Variants in TSC1 observed in about 807,000 individuals in gnomAD.
TSC1 encodes the protein TSC complex subunit 1, also known as hamartin.
In TSC1, 20 loss-of-function variants were observed where a neutral mutation model predicts 124.3. The ratio of observed to expected loss-of-function variants is 0.16; its 90% confidence interval spans 0.11 to 0.23. The LOEUF is 0.23. TSC1 is among the 10% of genes least tolerant of loss of function. The pLI, the probability that TSC1 is intolerant of heterozygous loss-of-function variation, is 1.00. For missense variants in TSC1, 1,124 were observed against 1,448.5 expected (o/e 0.78, Z 3.64); for synonymous variants, 493 against 539.1 (o/e 0.91, Z 1.19).
intron 4 of TSC1, chr9:132,925,979 G>A (rs1846839012): frequency 1.7e-5 from 9 of 535,360 alleles, no homozygotes; most frequent in South Asian, 1.2e-4. Flanking sequence ...TACAATACAC[G>A]CATGCAGAAA....
At chr9:132,914,703 C>CAAA (rs11334240) in intron 8 of TSC1, among the ~76,000 whole-genome samples, 19 of 114,270 alleles carry the variant, frequency 1.7e-4, no homozygotes, top group Middle Eastern at 4.5e-3. Flanking sequence ...AAAAAAAATA[C>CAAA]AAAAAAAAAA....
chr9:132,913,441 G>A (rs983005659), intron 8 of TSC1, among the ~76,000 whole-genome samples: 18 of 152,028 alleles, frequency 1.2e-4, no homozygotes, highest in African/African-American at 4.4e-4. Flanking sequence ...TTTTTCAGGG[G>A]GTGTAATAAT....
At chr9:132,900,387 A>C in intron 20 of TSC1, 1 of 386,250 alleles carries the variant, frequency 2.6e-6, no homozygotes, top group Non-Finnish European at 5.0e-6. Context: ...GAGGTATGTT[A>C]AACAGAATTG....
At position 132,896,255 on chromosome 9, in the gene TSC1, T is replaced by A. The variant is rs1216169846; in HGVS notation, c.3475A>T (p.Thr1159Ser). The change falls in exon 23 of 23, where the codon ACT (threonine) becomes TCT (serine). Residue 1159 changes from threonine (T) to serine (S), a missense_variant. Physicochemically the swap from Thr to Ser is moderately conservative, Grantham distance 58 (BLOSUM62 1). Transcript: ENST00000298552. This position sits in a 1 kb window ranked among gnomAD's most constrained non-coding sequence, Gnocchi z 4.5. The stretch of plus-strand genomic sequence containing the variant: ...ATTCCTTAGCTGTGTTCATGATGAG[T>A]CTCATTGTAGTCCATGATATGTAGC... ...GQLHIMDYNE[T>S]HHEHS is the part of the protein sequence containing the mutation. 1.2e-6 allele frequency: 2 copies of A among 1,614,062 alleles called. No individual in the cohort carries two copies. The highest frequency in any genetic ancestry group is 2.7e-5 in the African/African-American group (2 of 74,920).
chr9:132,917,581 G>A (rs1244214723), intron 8 of TSC1, among the ~76,000 whole-genome samples: 4 of 152,052 alleles, frequency 2.6e-5, no homozygotes, highest in African/African-American at 4.8e-5. Flanking sequence ...ATCCTCCCCC[G>A]TCCGCCTCCC....
At chr9:132,944,409 C>G (rs375418118) in intron 1 of TSC1, 134 bp downstream of exon 1, 1 of 394,902 alleles carries the variant, frequency 2.5e-6, no homozygotes, top group Non-Finnish European at 4.5e-6. Flanking sequence ...TCCGAACCCC[C>G]CTTCCCCGGG....
At position 132,894,424 on chromosome 9, in the gene TSC1, A is replaced by G. The variant is rs1211197882; in HGVS notation, c.*1811T>C. On this transcript the variant is annotated 3_prime_UTR_variant, in exon 23 of 23. Transcript: ENST00000298552. ...TTTCCTTTTCTAAAACGGAACCAGGAAACTAGACTGTATTGGGTTTTAAGC... is the reference window on the plus strand; with the variant it reads ...TTTCCTTTTCTAAAACGGAACCAGGGAACTAGACTGTATTGGGTTTTAAGC... The G allele has an allele frequency of 4.4e-6, 1 of 229,366 alleles. No homozygotes were observed. Among genetic ancestry groups the G allele is most frequent in the African/African-American group, 2.2e-5 (1 of 45,142 alleles). The allele number at this position is 229,366 out of a possible 1,614,324, so 14.2% of individuals were successfully genotyped here.
rs746535706 is a variant in TSC1 at position 132,903,655 on chromosome 9, G to T, written c.2204C>A (p.Ala735Asp). ...TGTCCCCTCCCCAGTCCTCACCATG[G>T]CAGCATTATGTTCCTCCAGAGCTGC... is the stretch of plus-strand genomic sequence containing the variant. ...KAAALEEHNA[A>D]MKDQLKLQEK... Residue 735 changes from alanine to aspartate, a missense_variant, in exon 17 of 23, where the codon GCC (alanine) becomes GAC (aspartate). By Grantham distance (126) the Ala-to-Asp change is moderately radical. This residue lies in a region of TSC1 where 321 missense variants were observed against 397.4 expected (regional missense o/e 0.81). Transcript: ENST00000298552. The surrounding 1 kb of genome is among the most constrained non-coding windows in gnomAD (Gnocchi z 5.9). The T allele has an allele frequency of 6.2e-7, 1 of 1,612,252 alleles. No individual in the cohort carries two copies. The highest frequency in any genetic ancestry group is 8.5e-7 in the Non-Finnish European group (1 of 1,179,906).
At position 132,903,695 on chromosome 9, in the gene TSC1, T is replaced by A. The variant is rs397514772; in HGVS notation, c.2164A>T (p.Lys722Ter). ...TCCAGAGCTGCTGCTTTGATCACCT[T>A]GCGGAGGAGCCGCCTGTTCCGGAGG... ...HALRNRRLLRKVIKAAALEEH... is the reference protein window; with the variant it reads ...HALRNRRLLR Residue 722 changes from lysine (K) to a stop codon, truncating the protein, a stop_gained, in exon 17 of 23, where the codon AAG becomes TAG. Coordinates refer to ENST00000298552, the MANE Select transcript of TSC1 (RefSeq NM_000368.5). LOFTEE classifies it high-confidence loss of function. This position sits in a 1 kb window ranked among gnomAD's most constrained non-coding sequence, Gnocchi z 5.9. The A allele has an allele frequency of 6.2e-7, 1 of 1,612,892 alleles. No homozygotes were observed. The highest frequency in any genetic ancestry group is 2.2e-5 in the East Asian group (1 of 44,866).
Sources: gnomAD v4.1 joint callset for allele counts (sites outside exome capture counted in the v4.1 genomes callset) on GRCh38, gnomAD v4.1.1 for gene constraint, gnomAD v4.1.1 regional missense constraint, Gnocchi (gnomAD v3.1) non-coding constraint, MANE v1.5 for transcripts, NCBI Gene and HGNC (gene_info 2026-07-23, HGNC 2026-07-21) for gene names.